The following PRORP variants were observed in gnomAD, a reference collection of about 807,000 sequenced individuals.
PRORP encodes mitochondrial ribonuclease P catalytic subunit.
Under a neutral mutation model 59.4 loss-of-function variants are expected in PRORP, and 51 were observed. That is an observed-to-expected ratio of 0.86 (90% confidence interval 0.69 to 1.08). PRORP has a LOEUF of 1.08. Ranked by LOEUF, PRORP falls within the 50% of genes least tolerant of loss-of-function variation. The pLI is 0.00. For synonymous variants in PRORP, 231 were observed against 245.6 expected (o/e 0.94, Z 0.55); for missense variants, 646 against 690.3 (o/e 0.94, Z 0.72).
chr14:35,266,797 TA>T lies in PRORP; in HGVS notation c.1348del (p.Arg450AspfsTer51). On this transcript the variant is annotated frameshift_variant, in exon 6 of 8. Coordinates refer to ENST00000534898, the MANE Select transcript of PRORP (RefSeq NM_014672.4). LOFTEE classifies it high-confidence loss of function. ...CTGGTCCTAGGCCGGAAGCACATGC[TA>T]AGACGGAGTTCCCAGTGGAGTCGGG... ...RLLVLGRKHMLRRSSQWSRDE... is the reference protein window; with the variant it reads ...RLLVLGRKHMXRRSSQWSRDE... 1 of 1,614,184 alleles carries T rather than the reference TA, an allele frequency of 6.2e-7. No individual in the cohort carries two copies. The highest frequency in any genetic ancestry group is 8.5e-7 in the Non-Finnish European group (1 of 1,180,014).
chr14:35,215,455 T>A (rs924872917), intron 5 of PRORP, among the ~76,000 whole-genome samples: 15 of 151,860 alleles, frequency 9.9e-5, no homozygotes, highest in African/African-American at 3.4e-4. Context: ...AAGAAAAAAA[T>A]AAAAAATACA....
At chr14:35,241,821 G>A (rs979074501) in intron 5 of PRORP, among the ~76,000 whole-genome samples, 1 of 152,096 alleles carries the variant, frequency 6.6e-6, no homozygotes, top group African/African-American at 2.4e-5. Flanking sequence ...TCACTCATTT[G>A]TGCCTTTGCA....
At chr14:35,203,691 C>T (rs2139138900) in intron 5 of PRORP, among the ~76,000 whole-genome samples, 1 of 152,058 alleles carries the variant, frequency 6.6e-6, no homozygotes, top group East Asian at 1.9e-4. Flanking sequence ...AGTGAAACCC[C>T]GTCTCTACTA....
At chr14:35,211,537 C>T (rs1189605928) in intron 5 of PRORP, among the ~76,000 whole-genome samples, 1 of 152,146 alleles carries the variant, frequency 6.6e-6, no homozygotes, top group Non-Finnish European at 1.5e-5. Context: ...AGTTTGGTTC[C>T]AAACCACTGC....
chr14:35,242,880 C>T (rs2138552136), intron 5 of PRORP, among the ~76,000 whole-genome samples: 1 of 152,252 alleles, frequency 6.6e-6, no homozygotes, highest in South Asian at 2.1e-4. Flanking sequence ...AAGATTGGAG[C>T]AAATAGCCCT....
intron 4 of PRORP, among the ~76,000 whole-genome samples, chr14:35,150,545 C>A (rs746503437): frequency 7.9e-5 from 12 of 152,204 alleles, no homozygotes; most frequent in Non-Finnish European, 1.6e-4. Context: ...AAGCAGGTCA[C>A]TCCTAGCAGT....
intron 5 of PRORP, among the ~76,000 whole-genome samples, chr14:35,254,566 AT>A (rs2050700362): frequency 6.6e-6 from 1 of 151,904 alleles, no homozygotes; most frequent in Non-Finnish European, 1.5e-5. Context: ...CTAATTTTGT[AT>A]TTTTAGTAGA....
chr14:35,153,263 G>T (rs1208943998), intron 4 of PRORP, among the ~76,000 whole-genome samples: 1 of 152,228 alleles, frequency 6.6e-6, no homozygotes, highest in South Asian at 2.1e-4. Flanking sequence ...GGCGGTGCGC[G>T]CCTGCAATTG....
At chr14:35,205,118 C>A (rs1015886515) in intron 5 of PRORP, among the ~76,000 whole-genome samples, 1 of 152,128 alleles carries the variant, frequency 6.6e-6, no homozygotes, top group African/African-American at 2.4e-5. Flanking sequence ...CTATTATTTT[C>A]TCTCTTTATG....
At chr14:35,246,165 G>A (rs2050478122) in intron 5 of PRORP, among the ~76,000 whole-genome samples, 1 of 152,040 alleles carries the variant, frequency 6.6e-6, no homozygotes, top group South Asian at 2.1e-4. Flanking sequence ...AAATTTTACG[G>A]TGCTGTGACT....
chr14:35,123,856 G>A lies in PRORP; in HGVS notation c.611G>A (p.Arg204Lys). The change falls in exon 2 of 8, where the codon AGA (arginine) becomes AAA (lysine). Residue 204 changes from arginine (R) to lysine (K), a missense_variant. Physicochemically the swap from Arg to Lys is conservative, Grantham distance 26. Transcript: ENST00000534898. ...VIDVFEIMKARYKTLEPRGYS... is the reference protein window; with the variant it reads ...VIDVFEIMKAKYKTLEPRGYS... ...GATGTCTTTGAAATTATGAAAGCCA[G>A]ATATAAGACTTTAGAACCTAGAGGT... The A allele has an allele frequency of 6.2e-7, 1 of 1,614,108 alleles. No individual in the cohort carries two copies. Among genetic ancestry groups the A allele is most frequent in the East Asian group, 2.2e-5 (1 of 44,884 alleles).
chr14:35,164,227 T>G (rs188197375), intron 4 of PRORP, among the ~76,000 whole-genome samples: 56 of 152,360 alleles, frequency 3.7e-4, no homozygotes, highest in African/African-American at 1.3e-3. Flanking sequence ...GAAAGCAGCT[T>G]GGAGATTTCT....
rs3058452 is a variant in PRORP at position 35,240,294 on chromosome 14, C to CTTTT, written c.1276-26417_1276-26414dup. Among the ~76,000 whole-genome samples, 361 of 109,310 alleles carry CTTTT rather than the reference C, an allele frequency of 3.3e-3. 1 individual carries two copies. The highest frequency in any genetic ancestry group is 5.9e-3 in the African/African-American group (166 of 28,354). The allele number at this position is 109,310 out of a possible 152,430, so 71.7% of individuals were successfully genotyped here. A position where few individuals can be genotyped will look rare whatever the true frequency, so the allele number is the denominator to read the frequency against. On this transcript the variant is annotated intron_variant, in intron 5 of 7. Coordinates refer to ENST00000534898, the MANE Select transcript of PRORP (RefSeq NM_014672.4). ...GGGCAGTGGTCAACTTTTAAACCAT[C>CTTTT]TTTTTTTTTTTTTTTTTTTGGTTTA...
At chr14:35,160,897 AG>A (rs2048043381) in intron 4 of PRORP, among the ~76,000 whole-genome samples, 2 of 152,232 alleles carry the variant, frequency 1.3e-5, no homozygotes, top group African/African-American at 4.8e-5. Context: ...CATACTACAA[AG>A]GGATCGATCT....
intron 5 of PRORP, among the ~76,000 whole-genome samples, chr14:35,223,686 C>T (rs891779365): frequency 6.6e-6 from 1 of 152,110 alleles, no homozygotes; most frequent in Non-Finnish European, 1.5e-5. Flanking sequence ...GTCTTGAACT[C>T]CTGACCTCGT....
At chr14:35,231,455 A>G (rs1176652221) in intron 5 of PRORP, among the ~76,000 whole-genome samples, 2 of 152,278 alleles carry the variant, frequency 1.3e-5, no homozygotes, top group Admixed American at 1.3e-4. Flanking sequence ...ATGTACAGCA[A>G]AGAGCTATGT....
chr14:35,262,859 T>C, intron 5 of PRORP: 1 of 1,534,078 alleles, frequency 6.5e-7, no homozygotes. Flanking sequence ...GTGTTGCTTG[T>C]TCAGTATCTC....
intron 5 of PRORP, among the ~76,000 whole-genome samples, chr14:35,242,931 T>C (rs529251934): frequency 2.0e-5 from 3 of 152,326 alleles, no homozygotes; most frequent in Admixed American, 6.5e-5. Flanking sequence ...ATTTCTTTTA[T>C]CTTAAAATTT....
chr14:35,255,199 C>T (rs1332765695), intron 5 of PRORP, among the ~76,000 whole-genome samples: 1 of 152,174 alleles, frequency 6.6e-6, no homozygotes, highest in Non-Finnish European at 1.5e-5. Context: ...GTGATCTCGG[C>T]TCACTGCAAC....
Sources: gnomAD v4.1 joint callset for allele counts (sites outside exome capture counted in the v4.1 genomes callset) on GRCh38, gnomAD v4.1.1 for gene constraint, MANE v1.5 for transcripts, NCBI Gene and HGNC (gene_info 2026-07-23, HGNC 2026-07-21) for gene names.